Variants in RORA observed in about 807,000 individuals in gnomAD.
The protein encoded by RORA is nuclear receptor ROR-alpha.
Under a neutral mutation model 69.5 loss-of-function variants are expected in RORA, and 7 were observed. The ratio of observed to expected loss-of-function variants is 0.10; its 90% CI spans 0.06 to 0.19. The LOEUF is 0.19. Among genes scored for constraint, RORA ranks in the 10% least tolerant of loss-of-function variants. The pLI is 1.00. For synonymous variants in RORA, 261 were observed against 240.8 expected, an observed-to-expected ratio of 1.08 and a Z score of -0.78; for missense variants, 457 against 663.0, an observed-to-expected ratio of 0.69 and a Z score of 3.41.
At chr15:60,779,874 A>AAGG (rs1336673846) in intron 1 of RORA, among the ~76,000 whole-genome samples, 2 of 152,212 alleles carry the variant, frequency 1.3e-5, no homozygotes, top group Non-Finnish European at 2.9e-5. Context: ...CATATGCACC[A>AAGG]AGGAGGTTTG....
chr15:61,121,297 C>T (rs1039900165), intron 1 of RORA, among the ~76,000 whole-genome samples: 1 of 152,194 alleles, frequency 6.6e-6, no homozygotes, highest in African/African-American at 2.4e-5. Context: ...AACTGGGTGG[C>T]TGTCTGCAGT....
At chr15:60,917,884 G>A (rs917304602) in intron 1 of RORA, among the ~76,000 whole-genome samples, 48 of 152,314 alleles carry the variant, frequency 3.2e-4, no homozygotes, top group African/African-American at 9.9e-4. Flanking sequence ...GTGACAAAGC[G>A]TGACAGCGTC....
chr15:61,159,955 CA>C (rs2140882376), intron 1 of RORA, among the ~76,000 whole-genome samples: 1 of 152,278 alleles, frequency 6.6e-6, no homozygotes, highest in Non-Finnish European at 1.5e-5. Context: ...TTCTGAAAAT[CA>C]AACGATTGGG....
intron 2 of RORA, among the ~76,000 whole-genome samples, chr15:60,642,165 G>A (rs1192644917): frequency 2.0e-5 from 3 of 152,154 alleles, no homozygotes; most frequent in African/African-American, 7.2e-5. Flanking sequence ...CCACTGCTGG[G>A]GCCGTGCTTT....
chr15:60,628,391 G>A (rs190593524), intron 2 of RORA, among the ~76,000 whole-genome samples: 175 of 152,168 alleles, frequency 1.2e-3, no homozygotes, highest in African/African-American at 4.0e-3. Flanking sequence ...TTGGAGATGG[G>A]GTCTTGCTTT....
chr15:60,918,536 A>G (rs192532994), intron 1 of RORA, among the ~76,000 whole-genome samples: 1 of 152,356 alleles, frequency 6.6e-6, no homozygotes, highest in Admixed American at 6.5e-5. Context: ...TTGGAGATGC[A>G]TGATTACCAA....
chr15:61,002,849 G>C (rs989909191), intron 1 of RORA, among the ~76,000 whole-genome samples: 1 of 151,968 alleles, frequency 6.6e-6, no homozygotes, highest in Non-Finnish European at 1.5e-5. Flanking sequence ...CAAGGACATA[G>C]GGCCGGGCAT....
chr15:60,997,730 AG>A (rs1641642482), intron 1 of RORA, among the ~76,000 whole-genome samples: 1 of 152,182 alleles, frequency 6.6e-6, no homozygotes, highest in Non-Finnish European at 1.5e-5. Context: ...TCTCTACAAT[AG>A]AAGATTCTAA....
At chr15:60,587,022 T>C (rs1385603250) in intron 2 of RORA, among the ~76,000 whole-genome samples, 1 of 152,186 alleles carries the variant, frequency 6.6e-6, no homozygotes, top group East Asian at 1.9e-4. Context: ...TTCGTAAGCT[T>C]TATACTACAC....
chr15:61,204,286 T>C (rs1205357541), intron 1 of RORA, among the ~76,000 whole-genome samples: 1 of 152,226 alleles, frequency 6.6e-6, no homozygotes, highest in Non-Finnish European at 1.5e-5. Context: ...CACACGAATG[T>C]ATCCCCAGGA....
At chr15:60,668,225 T>C (rs1439690311) in intron 2 of RORA, among the ~76,000 whole-genome samples, 3 of 152,158 alleles carry the variant, frequency 2.0e-5, no homozygotes, top group Non-Finnish European at 2.9e-5. Flanking sequence ...CTACCAATAA[T>C]GCCTTGCACA....
chr15:60,854,466 T>C (rs2073359801), intron 1 of RORA, among the ~76,000 whole-genome samples: 1 of 152,212 alleles, frequency 6.6e-6, no homozygotes, highest in Admixed American at 6.5e-5. Flanking sequence ...AAATTTTTGC[T>C]GTTGATGATA....
In RORA at chr15:61,213,688, C is replaced by T; in HGVS notation, c.166+15365G>A. On this transcript the variant is annotated intron_variant, in intron 1 of 10. Transcript: ENST00000335670. This position sits in a 1 kb window ranked among gnomAD's most constrained non-coding sequence, Gnocchi z 4.1. ...ACTCCTCTCGGGGCATTTTCTCCTT[C>T]TTCTCTATGTTATAGGTTTCCTAAG... is the stretch of plus-strand genomic sequence containing the variant. The T allele has an allele frequency of 1.3e-5, 2 of 152,202 alleles. 1 individual carries two copies. Among genetic ancestry groups the T allele is most frequent in the Non-Finnish European group, 2.9e-5 (2 of 68,048 alleles). The allele number at this position is 152,202 out of a possible 1,614,324, so 9.4% of individuals were successfully genotyped here.
chr15:60,597,551 C>CATATATAT (rs1203238304), intron 2 of RORA, among the ~76,000 whole-genome samples: 2 of 25,130 alleles, frequency 8.0e-5, no homozygotes, highest in African/African-American at 2.8e-4. Flanking sequence ...ACACACACAA[C>CATATATAT]ATATATATAT....
chr15:60,516,244 T>A, intron 3 of RORA, among the ~76,000 whole-genome samples: 1 of 84,044 alleles, frequency 1.2e-5, no homozygotes, highest in Non-Finnish European at 2.1e-5. Flanking sequence ...TTTATATATA[T>A]ATATTTATAT....
chr15:61,229,101 C>G lies in RORA; in HGVS notation c.118G>C (p.Glu40Gln), dbSNP rs1419123412. Residue 40 changes from glutamate to glutamine, a missense_variant, in exon 1 of 11, where the codon GAG becomes CAG. Physicochemically the swap from Glu to Gln is conservative, Grantham distance 29. Around this residue, in one of 3 missense-constraint regions of RORA, gnomAD observed 119 missense variants for 92.4 expected, o/e 1.29. Transcript: ENST00000335670. ...TGTCTGCGCACCGGGGCAGGCGGCT[C>G]GCTCTTGCGGGCGGATTCCTGGTTC... ...PLNQESARKSEPPAPVRRQSY... is the reference protein window; with the variant it reads ...PLNQESARKSQPPAPVRRQSY... 6.5e-7 allele frequency: 1 copy of G among 1,539,572 alleles called. No individual in the cohort carries two copies. Among genetic ancestry groups the G allele is most frequent in the East Asian group, 2.5e-5 (1 of 40,130 alleles).
At chr15:61,227,210 C>CAAA (rs35827262) in intron 1 of RORA, among the ~76,000 whole-genome samples, 61,106 of 123,256 alleles carry the variant, frequency 0.5, 16,436 homozygotes, top group South Asian at 0.63. Context: ...CCCCCCATTC[C>CAAA]AAAAAAAAAA....
At chr15:61,059,952 A>G (rs141975765) in intron 1 of RORA, among the ~76,000 whole-genome samples, 5,740 of 119,112 alleles carry the variant, frequency 0.048, 197 homozygotes, top group Middle Eastern at 0.055. Context: ...AAGAAGAAGA[A>G]GAAGAAGAAG....
intron 3 of RORA, among the ~76,000 whole-genome samples, chr15:60,525,796 T>C (rs1310847935): frequency 6.6e-6 from 1 of 152,178 alleles, no homozygotes; most frequent in Non-Finnish European, 1.5e-5. Context: ...GAATCTTCTA[T>C]GTAGAAGCAT....
Sources: allele counts gnomAD v4.1 joint callset (sites outside exome capture counted in the v4.1 genomes callset), GRCh38; gene constraint gnomAD v4.1.1; regional missense constraint gnomAD v4.1.1; non-coding constraint Gnocchi (gnomAD v3.1); transcripts MANE v1.5; gene names NCBI Gene and HGNC (gene_info 2026-07-23, HGNC 2026-07-21).